Variants in RANBP2 observed in about 807,000 individuals in gnomAD.
RANBP2 encodes E3 SUMO-protein ligase RanBP2.
Under a neutral mutation model 303.6 loss-of-function variants are expected in RANBP2, and 57 were observed. That is an observed-to-expected ratio of 0.19 (90% confidence interval 0.15 to 0.23). RANBP2 has a LOEUF of 0.23. Ranked by LOEUF, RANBP2 falls within the 10% of genes least tolerant of loss-of-function variation. The probability of loss-of-function intolerance (pLI) is 1.00; values close to 1 mark genes in which losing one functional copy is unlikely to be tolerated. For missense variants in RANBP2, 3,138 were observed against 3,780.8 expected (o/e 0.83, Z 4.46); for synonymous variants, 1,167 against 1,301.5 (o/e 0.90, Z 2.23).
the RANBP2 span, among the ~76,000 whole-genome samples, chr2:109,346,480 C>T: frequency 6.6e-6 from 1 of 152,100 alleles, no homozygotes; most frequent in African/African-American, 2.4e-5. Flanking sequence ...GTAGGAAAAT[C>T]GTTGGGTATT....
chr2:109,526,532 G>A, the RANBP2 span, among the ~76,000 whole-genome samples: 2 of 152,042 alleles, frequency 1.3e-5, no homozygotes, highest in African/African-American at 2.4e-5. Context: ...GGCTGGTGTC[G>A]AACTCCTGAC....
the RANBP2 span, among the ~76,000 whole-genome samples, chr2:109,298,961 C>T: frequency 1.3e-5 from 2 of 152,332 alleles, no homozygotes; most frequent in Admixed American, 6.5e-5. Flanking sequence ...AAAGCCAGGC[C>T]GTATGACACG....
chr2:109,206,760 G>A, the RANBP2 span, among the ~76,000 whole-genome samples: 30 of 151,370 alleles, frequency 2.0e-4, no homozygotes, highest in African/African-American at 7.3e-4. Context: ...AGGTTACAGT[G>A]AGCTATGATT....
At chr2:109,457,884 G>A in the RANBP2 span, among the ~76,000 whole-genome samples, 1 of 152,180 alleles carries the variant, frequency 6.6e-6, no homozygotes, top group Non-Finnish European at 1.5e-5. Context: ...CTCCCAGAAG[G>A]CAACAAAGTC....
chr2:109,042,359 A>C, the RANBP2 span, among the ~76,000 whole-genome samples: 3 of 151,994 alleles, frequency 2.0e-5, no homozygotes, highest in African/African-American at 7.2e-5. Flanking sequence ...TTATTGATGT[A>C]TGTATTTGTA....
rs1179466757 is a variant in RANBP2, at chr2:108,766,152, A to C, written c.5613A>C (p.Ser1871=). 1 of 1,613,014 alleles carries C rather than the reference A, an allele frequency of 6.2e-7. No homozygotes were observed. Among genetic ancestry groups the C allele is most frequent in the Non-Finnish European group, 8.5e-7 (1 of 1,180,016 alleles). ...FGHVDQENSP[S]FMFQGSSNTE... is the part of the protein sequence containing the mutation. ...ATGTGGATCAAGAAAATTCACCTTC[A>C]TTTATGTTTCAGGGTTCTTCTAATA... The change falls in exon 20 of 29, where the codon TCA becomes TCC. Residue 1871 remains serine (S), a synonymous_variant. Coordinates refer to ENST00000283195, the MANE Select transcript of RANBP2 (RefSeq NM_006267.5).
the RANBP2 span, among the ~76,000 whole-genome samples, chr2:109,282,198 G>C: frequency 6.6e-6 from 1 of 152,148 alleles, no homozygotes; most frequent in South Asian, 2.1e-4. Context: ...GTTGCCATGA[G>C]TGTTTATTGG....
At chr2:109,199,598 G>GTTCC in the RANBP2 span, among the ~76,000 whole-genome samples, 5 of 228 alleles carry the variant, frequency 0.022, no homozygotes, top group Admixed American at 0.045. Context: ...GGAATGGAAT[G>GTTCC]GAATGGAATG....
At chr2:109,269,945 G>T in the RANBP2 span, among the ~76,000 whole-genome samples, 1 of 152,216 alleles carries the variant, frequency 6.6e-6, no homozygotes, top group Admixed American at 6.5e-5. Flanking sequence ...TAATAAGCTG[G>T]TTGTACAGAG....
the RANBP2 span, among the ~76,000 whole-genome samples, chr2:109,079,737 A>C: frequency 6.6e-6 from 1 of 152,188 alleles, no homozygotes; most frequent in Non-Finnish European, 1.5e-5. Flanking sequence ...GGCCTGGTGG[A>C]GCCCACCCAG....
the RANBP2 span, among the ~76,000 whole-genome samples, chr2:109,059,124 C>T: frequency 5.9e-5 from 9 of 152,096 alleles, no homozygotes; most frequent in Admixed American, 5.2e-4. Context: ...GTTAGGGGAC[C>T]CTCCTCCACA....
the RANBP2 span, among the ~76,000 whole-genome samples, chr2:109,149,723 A>G: frequency 6.6e-6 from 1 of 152,184 alleles, no homozygotes; most frequent in African/African-American, 2.4e-5. Context: ...TTACGTTCTA[A>G]TTGGTGCCAT....
At chr2:109,521,529 G>T in the RANBP2 span, among the ~76,000 whole-genome samples, 22 of 152,320 alleles carry the variant, frequency 1.4e-4, no homozygotes, top group South Asian at 4.6e-3. Context: ...GTGTGCCAGA[G>T]TAGATGATCA....
At chr2:108,740,439 T>TTC (rs1558887059) in intron 6 of RANBP2, 50 bp from the exon 7 acceptor site, 1 of 1,596,716 alleles carries the variant, frequency 6.3e-7, no homozygotes, top group Middle Eastern at 2.3e-4. Context: ...ACCATGATTA[T>TTC]TCACAGTGCA....
chr2:109,248,619 T>C, the RANBP2 span, among the ~76,000 whole-genome samples: 2 of 152,220 alleles, frequency 1.3e-5, no homozygotes, highest in Non-Finnish European at 2.9e-5. Context: ...GTATATTAAA[T>C]AGGTTTGAAT....
the RANBP2 span, among the ~76,000 whole-genome samples, chr2:109,217,346 T>C: frequency 6.6e-6 from 1 of 152,232 alleles, no homozygotes; most frequent in Non-Finnish European, 1.5e-5. Context: ...TATTTGGAAC[T>C]GCACTTACCA....
the RANBP2 span, chr2:108,878,355 A>G: frequency 1.9e-5 from 4 of 208,006 alleles, no homozygotes; most frequent in Non-Finnish European, 4.1e-5. Context: ...AGGCCAAGAA[A>G]CAAAAGCAAA....
At chr2:109,675,437 T>C in the RANBP2 span, among the ~76,000 whole-genome samples, 1 of 152,080 alleles carries the variant, frequency 6.6e-6, no homozygotes, top group Non-Finnish European at 1.5e-5. Flanking sequence ...ATCCCAGCAC[T>C]TTGGGAGGCT....
the RANBP2 span, among the ~76,000 whole-genome samples, chr2:109,581,343 T>A: frequency 3.9e-5 from 6 of 151,948 alleles, 1 homozygote; most frequent in African/African-American, 1.4e-4. Context: ...AGGCTGAGGC[T>A]TGAGAATCAC....
Sources: gnomAD v4.1 joint callset for allele counts (sites outside exome capture counted in the v4.1 genomes callset) on GRCh38, gnomAD v4.1.1 for gene constraint, MANE v1.5 for transcripts, NCBI Gene and HGNC (gene_info 2026-07-23, HGNC 2026-07-21) for gene names.